Variants in ZNF624 observed in about 807,000 individuals in gnomAD.
ZNF624 encodes the protein zinc finger protein 624.
Under a neutral mutation model 74.7 loss-of-function variants are expected in ZNF624, and 43 were observed. The ratio of observed to expected loss-of-function variants is 0.58; its 90% confidence interval spans 0.45 to 0.74. ZNF624 has a LOEUF of 0.74. Among genes scored for constraint, ZNF624 ranks in the 30% least tolerant of loss-of-function variants. The pLI, the probability that ZNF624 is intolerant of heterozygous loss-of-function variation, is 0.00. For missense variants in ZNF624, 820 were observed against 1,030.0 expected (o/e 0.80, Z 2.79); for synonymous variants, 331 against 341.3 (o/e 0.97, Z 0.33).
chr17:16,614,967 T>C, the ZNF624 span, among the ~76,000 whole-genome samples: 7,816 of 152,308 alleles, frequency 0.051, 265 homozygotes, highest in Middle Eastern at 0.092. Flanking sequence ...ACAAATACTG[T>C]ATGATTCTAC....
chr17:16,646,565 G>A (rs567183459), intron 3 of ZNF624, among the ~76,000 whole-genome samples: 9 of 152,276 alleles, frequency 5.9e-5, no homozygotes, highest in Admixed American at 2.6e-4. Context: ...GCAAGAAACC[G>A]ATGTACAGAT....
intron 5 of ZNF624, among the ~76,000 whole-genome samples, chr17:16,625,045 A>G (rs1396024088): frequency 4.0e-5 from 6 of 151,556 alleles, no homozygotes; most frequent in Admixed American, 1.3e-4. Context: ...AAAAAAAAAA[A>G]AAAAGCCCAT....
chr17:16,622,802 G>C lies in ZNF624; in HGVS notation c.2084C>G (p.Pro695Arg). 1 of 1,613,852 alleles carries C rather than the reference G, an allele frequency of 6.2e-7. No homozygotes were observed. Among genetic ancestry groups the C allele is most frequent in the African/African-American group, 1.3e-5 (1 of 74,988 alleles). Residue 695 changes from proline (P) to arginine (R), a missense_variant, in exon 6 of 6, where the codon CCC becomes CGC. Coordinates refer to ENST00000311331, the MANE Select transcript of ZNF624 (RefSeq NM_020787.4). ...CTTTCCACATTCATTGCATTTATAGGGCTTCTCTCCAGTATGCCTTCGTTG... is the reference window on the plus strand; with the variant it reads ...CTTTCCACATTCATTGCATTTATAGCGCTTCTCTCCAGTATGCCTTCGTTG... The part of the protein sequence containing the change: ...VHQRRHTGEK[P>R]YKCNECGKVF...
At chr17:16,624,604 GAAT>G in intron 5 of ZNF624, 95 bp from the exon 6 acceptor site, 1 of 1,107,254 alleles carries the variant, frequency 9.0e-7, no homozygotes, top group Non-Finnish European at 1.3e-6. Context: ...CATGGATAAT[GAAT>G]ATATGGTTTT....
chr17:16,630,792 A>C (rs1909188572), intron 5 of ZNF624, among the ~76,000 whole-genome samples: 1 of 152,042 alleles, frequency 6.6e-6, no homozygotes. Context: ...AACAATTATA[A>C]CTTTGTATTT....
chr17:16,641,436 C>T (rs1909464857), intron 3 of ZNF624, among the ~76,000 whole-genome samples: 1 of 152,176 alleles, frequency 6.6e-6, no homozygotes, highest in African/African-American at 2.4e-5. Context: ...GTGTGTGCCA[C>T]CATGCCTGGC....
At chr17:16,614,746 G>C in the ZNF624 span, among the ~76,000 whole-genome samples, 6 of 152,062 alleles carry the variant, frequency 3.9e-5, no homozygotes, top group Admixed American at 3.9e-4. Flanking sequence ...GCTATTACAA[G>C]AAAGAAAACA....
intron 3 of ZNF624, among the ~76,000 whole-genome samples, chr17:16,636,403 T>C (rs910585071): frequency 1.3e-5 from 2 of 152,138 alleles, no homozygotes; most frequent in Non-Finnish European, 1.5e-5. Context: ...AATTAGAACA[T>C]CACAATTTGC....
chr17:16,616,812 T>C, downstream of ZNF624: 2 of 950,606 alleles, frequency 2.1e-6, no homozygotes, highest in East Asian at 2.5e-5. Context: ...AGGAAAGTGT[T>C]CCATAATAGT....
At chr17:16,647,507 C>T in intron 2 of ZNF624, 113 bp from the exon 3 acceptor site, 2 of 792,806 alleles carry the variant, frequency 2.5e-6, no homozygotes, top group South Asian at 3.2e-5. Flanking sequence ...GATGACCTCA[C>T]CTACTGTTTT....
intron 2 of ZNF624, among the ~76,000 whole-genome samples, chr17:16,648,450 T>C (rs886988710): frequency 3.9e-5 from 6 of 152,250 alleles, no homozygotes; most frequent in African/African-American, 1.4e-4. Flanking sequence ...TTAATGATGA[T>C]GTGAATCTTC....
chr17:16,619,707 G>A (rs1157890501), downstream of ZNF624, among the ~76,000 whole-genome samples: 1 of 152,176 alleles, frequency 6.6e-6, no homozygotes, highest in Non-Finnish European at 1.5e-5. Flanking sequence ...GGTTGGTGTG[G>A]GTCATCCCCA....
rs1909730675 is a variant in ZNF624 at position 16,651,765 on chromosome 17, C to CAAATCTGAGAA, written c.-3+1988_-3+1998dup. Among the ~76,000 whole-genome samples, 3 of 152,040 alleles carry CAAATCTGAGAA rather than the reference C, an allele frequency of 2.0e-5. No homozygotes were observed. In the South Asian group the frequency reaches 6.2e-4, roughly 32 times the overall value. On this transcript the variant is annotated intron_variant, in intron 1 of 5. Transcript: ENST00000311331. ...GCCACATGTATAACTAGAGGGGTCT[C>CAAATCTGAGAA]AAATCTGAGAATGCAAAAAACTCAC...
At chr17:16,639,894 T>C (rs920890226) in intron 3 of ZNF624, among the ~76,000 whole-genome samples, 4 of 152,000 alleles carry the variant, frequency 2.6e-5, no homozygotes, top group African/African-American at 9.7e-5. Context: ...CAAAAAATTA[T>C]AAGACACACA....
Position 16,647,405 on chromosome 17 carries a change from A to C in ZNF624, c.88-11T>G. Reference sequence around the variant, plus strand: ...GGTAACTTCAGGGCTCTGATGGGATACAGGATAAGATCATTCAGTGATAGG... The same window carrying C: ...GGTAACTTCAGGGCTCTGATGGGATCCAGGATAAGATCATTCAGTGATAGG... On this transcript the variant is annotated splice_polypyrimidine_tract_variant and intron_variant, in intron 2 of 5. Coordinates refer to ENST00000311331, the MANE Select transcript of ZNF624 (RefSeq NM_020787.4). 1 of 1,613,626 alleles carries C rather than the reference A, an allele frequency of 6.2e-7. No homozygotes were observed. The highest frequency in any genetic ancestry group is 8.5e-7 in the Non-Finnish European group (1 of 1,179,484).
intron 5 of ZNF624, 148 bp from the exon 6 acceptor site, chr17:16,624,657 G>A: frequency 1.3e-6 from 1 of 747,742 alleles, no homozygotes; most frequent in South Asian, 2.4e-5. Context: ...TGAGAAGAAG[G>A]TAGGGTTAAG....
At chr17:16,642,183 TG>T (rs1909482720) in intron 3 of ZNF624, among the ~76,000 whole-genome samples, 1 of 152,228 alleles carries the variant, frequency 6.6e-6, no homozygotes. Flanking sequence ...GAAGTGAATT[TG>T]TTTTTTTAAA....
intron 1 of ZNF624, among the ~76,000 whole-genome samples, chr17:16,651,467 G>A (rs951779757): frequency 6.6e-6 from 1 of 151,058 alleles, no homozygotes; most frequent in Non-Finnish European, 1.5e-5. Context: ...TAAAAATGTA[G>A]AGTGACCTGT....
chr17:16,649,529 T>C (rs911363934), intron 2 of ZNF624, 129 bp downstream of exon 2: 1 of 759,860 alleles, frequency 1.3e-6, no homozygotes, highest in South Asian at 1.6e-5. Context: ...GAACCCAATT[T>C]TCATGGGTCT....
Sources: gnomAD v4.1 joint callset for allele counts (sites outside exome capture counted in the v4.1 genomes callset) on GRCh38, gnomAD v4.1.1 for gene constraint, MANE v1.5 for transcripts, NCBI Gene and HGNC (gene_info 2026-07-23, HGNC 2026-07-21) for gene names.